PSD3: variants seen among roughly 807,000 people sequenced by gnomAD.
PSD3 encodes pleckstrin and Sec7 domain containing 3.
Under a neutral mutation model 105.5 loss-of-function variants are expected in PSD3, and 49 were observed. The observed-to-expected ratio is 0.46, with a 90% CI of 0.37 to 0.59. The LOEUF is 0.59. Ranked by LOEUF, PSD3 falls within the 20% of genes least tolerant of loss-of-function variation. The pLI, the probability that PSD3 is intolerant of heterozygous loss-of-function variation, is 0.00. For missense variants in PSD3, 1,561 were observed against 1,263.8 expected, an observed-to-expected ratio of 1.24 and a Z score of -3.57; for synonymous variants, 557 against 457.8, an observed-to-expected ratio of 1.22 and a Z score of -2.77.
At chr8:18,663,347 A>G (rs1477174295) in intron 9 of PSD3, among the ~76,000 whole-genome samples, 1 of 152,076 alleles carries the variant, frequency 6.6e-6, no homozygotes, top group Non-Finnish European at 1.5e-5. Context: ...GATTGCTTCA[A>G]CCAGGGAGGT....
At chr8:18,878,074 T>G (rs1586305663) in intron 2 of PSD3, among the ~76,000 whole-genome samples, 1 of 152,338 alleles carries the variant, frequency 6.6e-6, no homozygotes, top group East Asian at 1.9e-4. Context: ...AGTATTACTA[T>G]TACATCTTTC....
chr8:18,809,030 A>C, intron 4 of PSD3: 1 of 974,216 alleles, frequency 1.0e-6, no homozygotes, highest in Non-Finnish European at 1.4e-6. Flanking sequence ...TCGAGAACGT[A>C]AGAAACAGTG....
chr8:18,811,132 G>C (rs1044304466), intron 4 of PSD3, among the ~76,000 whole-genome samples: 1 of 152,150 alleles, frequency 6.6e-6, no homozygotes, highest in African/African-American at 2.4e-5. Flanking sequence ...GTTAACAATG[G>C]TTAGGCATTT....
chr8:18,538,209 C>G (rs1363721344), intron 15 of PSD3, among the ~76,000 whole-genome samples: 2 of 152,186 alleles, frequency 1.3e-5, no homozygotes, highest in African/African-American at 4.8e-5. Flanking sequence ...CACTGTTTAT[C>G]AAGTATTGTT....
rs781566124 is a variant in PSD3 at position 18,868,012 on chromosome 8, T to C, written c.1296A>G (p.Gly432=). The change falls in exon 4 of 16, where the codon GGA becomes GGG. Residue 432 remains glycine (G), a synonymous_variant. Transcript: ENST00000327040. ...ACACGTCGGTGGAGTCCTCCGTATATCCAGGCCCAAGGATGTCTTCATCTT... is the reference window on the plus strand; with the variant it reads ...ACACGTCGGTGGAGTCCTCCGTATACCCAGGCCCAAGGATGTCTTCATCTT... The part of the protein sequence containing the change: ...KGEDEDILGP[G]YTEDSTDVYS... 2.5e-6 allele frequency: 4 copies of C among 1,614,038 alleles called. 1 individual carries two copies. Among genetic ancestry groups the C allele is most frequent in the Admixed American group, 3.3e-5 (2 of 60,024 alleles).
chr8:18,845,333 G>T (rs1814996039), intron 4 of PSD3, among the ~76,000 whole-genome samples: 1 of 152,164 alleles, frequency 6.6e-6, no homozygotes, highest in African/African-American at 2.4e-5. Flanking sequence ...CTCCTGGAGT[G>T]GATGGGGTCC....
At chr8:18,698,716 A>G (rs1219505263) in intron 9 of PSD3, among the ~76,000 whole-genome samples, 1 of 152,238 alleles carries the variant, frequency 6.6e-6, no homozygotes, top group African/African-American at 2.4e-5. Context: ...AGATATACCT[A>G]TAATCATACA....
At chr8:18,571,577 T>C (rs1287668938) in intron 14 of PSD3, among the ~76,000 whole-genome samples, 3 of 152,206 alleles carry the variant, frequency 2.0e-5, no homozygotes, top group African/African-American at 7.2e-5. Flanking sequence ...TTGCCACACC[T>C]TCAGCAGAGG....
intron 14 of PSD3, among the ~76,000 whole-genome samples, chr8:18,564,111 C>CTT (rs11360174): frequency 6.7e-6 from 1 of 148,386 alleles, no homozygotes; most frequent in East Asian, 2.0e-4. Context: ...TTTTCTTCTT[C>CTT]TTTTTTTTTT....
intron 8 of PSD3, among the ~76,000 whole-genome samples, chr8:18,773,569 A>G (rs1807751197): frequency 6.6e-6 from 1 of 152,058 alleles, no homozygotes; most frequent in Non-Finnish European, 1.5e-5. Flanking sequence ...TTTGTATAGT[A>G]TAATATATAA....
At chr8:18,704,216 G>A (rs902103131) in intron 9 of PSD3, among the ~76,000 whole-genome samples, 2 of 152,124 alleles carry the variant, frequency 1.3e-5, no homozygotes, top group South Asian at 2.1e-4. Flanking sequence ...ATAAGAATGT[G>A]CTTTACTCTG....
chr8:18,564,797 C>T (rs1801629454), intron 14 of PSD3, among the ~76,000 whole-genome samples: 1 of 152,014 alleles, frequency 6.6e-6, no homozygotes, highest in Non-Finnish European at 1.5e-5. Flanking sequence ...GCTCTGAGCA[C>T]CACTGCCTTG....
intron 1 of PSD3, among the ~76,000 whole-genome samples, chr8:19,077,015 C>T (rs1051157395): frequency 6.6e-6 from 1 of 152,078 alleles, no homozygotes; most frequent in Non-Finnish European, 1.5e-5. Context: ...TGTTTATTAC[C>T]GTCTACCTTT....
chr8:18,898,138 G>C (rs922039200), intron 2 of PSD3, among the ~76,000 whole-genome samples: 1 of 152,174 alleles, frequency 6.6e-6, no homozygotes, highest in African/African-American at 2.4e-5. Flanking sequence ...TTAAAGTGCA[G>C]TTTAAATCCA....
chr8:18,824,901 A>G (rs1409648263), intron 4 of PSD3, among the ~76,000 whole-genome samples: 3 of 152,200 alleles, frequency 2.0e-5, no homozygotes, highest in African/African-American at 7.2e-5. Context: ...ACAAGAGGAC[A>G]AGAATTGCCC....
intron 15 of PSD3, among the ~76,000 whole-genome samples, chr8:18,555,756 CAAG>C (rs1343240773): frequency 2.0e-5 from 3 of 152,128 alleles, no homozygotes; most frequent in Admixed American, 6.5e-5. Flanking sequence ...CAGTGGGTGA[CAAG>C]AAGAAAAACG....
chr8:19,078,787 T>C (rs951187446), intron 1 of PSD3, among the ~76,000 whole-genome samples: 5 of 151,732 alleles, frequency 3.3e-5, no homozygotes, highest in Non-Finnish European at 5.9e-5. Context: ...GAAAGAGATG[T>C]AAACCTGGGA....
At chr8:19,023,393 CTATTTATTTATTTATT>C (rs141650647) in intron 1 of PSD3, among the ~76,000 whole-genome samples, 1,785 of 145,088 alleles carry the variant, frequency 0.012, 22 homozygotes, top group South Asian at 0.022. Flanking sequence ...AATATAGCCA[CTATTTATTTATTTATT>C]TATTTATTTA....
intron 12 of PSD3, among the ~76,000 whole-genome samples, chr8:18,577,617 T>TC (rs386723138): frequency 4.4e-5 from 1 of 22,664 alleles, no homozygotes; most frequent in East Asian, 0.042. Context: ...TTCTTCTTTA[T>TC]CCGTTTAATG....
Sources: allele counts gnomAD v4.1 joint callset (sites outside exome capture counted in the v4.1 genomes callset), GRCh38; gene constraint gnomAD v4.1.1; transcripts MANE v1.5; gene names NCBI Gene and HGNC (gene_info 2026-07-23, HGNC 2026-07-21).